NCAPD3: variants seen among roughly 807,000 people sequenced by gnomAD.
The protein encoded by NCAPD3 is non-SMC condensin II complex subunit D3.
A neutral mutation model predicts 182.9 loss-of-function variants in NCAPD3; 105 were observed. The ratio of observed to expected loss-of-function variants is 0.57; its 90% CI spans 0.49 to 0.68. NCAPD3 has a LOEUF of 0.68. NCAPD3 is among the 30% of genes least tolerant of loss of function. NCAPD3 has a pLI of 0.00. For synonymous variants in NCAPD3, 815 were observed against 679.9 expected (o/e 1.20, Z -3.09); for missense variants, 1,944 against 1,837.0 (o/e 1.06, Z -1.07).
rs1230004528 is a variant in NCAPD3, at chr11:134,199,241, A to G, written c.1615+3575T>C. Among the ~76,000 whole-genome samples the G allele has an allele frequency of 2.0e-5, 3 of 152,226 alleles. No individual in the cohort carries two copies. The East Asian group carries it at 5.8e-4, about 29-fold the overall frequency. ...ACCAAAATATGACTCTGACATAAAA[A>G]TTATTTCTGGGAAGACAGTTAAAGC... is the stretch of plus-strand genomic sequence containing the variant. On this transcript the variant is annotated intron_variant, in intron 13 of 34. Coordinates refer to ENST00000534548, the MANE Select transcript of NCAPD3 (RefSeq NM_015261.3).
chr11:134,167,631 C>G (rs1246887311), intron 27 of NCAPD3, among the ~76,000 whole-genome samples: 3 of 129,396 alleles, frequency 2.3e-5, no homozygotes, highest in African/African-American at 3.2e-5. Flanking sequence ...GGGAGGGGCA[C>G]ACTAGTGAGA....
At position 134,223,936 on chromosome 11, in the gene NCAPD3, GCACC is replaced by G; in HGVS notation, c.-14_-11del. 6.2e-7 allele frequency: 1 copy of G among 1,611,078 alleles called. No individual in the cohort carries two copies. The highest frequency in any genetic ancestry group is 1.1e-5 in the South Asian group (1 of 90,760). ...CCCGCAACGCCACCATGATCCCAGGGCACCGGCTCGCCGCCGCCGTGCTCAACTT... is the reference window on the plus strand; with the variant it reads ...CCCGCAACGCCACCATGATCCCAGGGGGCTCGCCGCCGCCGTGCTCAACTT... On this transcript the variant is annotated 5_prime_UTR_variant, in exon 1 of 35. Transcript: ENST00000534548.
rs1565545368 is a variant in NCAPD3 at position 134,194,084 on chromosome 11, C to T, written c.1756G>A (p.Asp586Asn). ...GACACTGCAGGGTCCCGACACTGGT[C>T]CTGCAGAATCCACAGGTCTTCCTTC... ...GMKEDLWILQDQCRDPAVSVR... is the reference protein window; with the variant it reads ...GMKEDLWILQNQCRDPAVSVR... Residue 586 changes from aspartate to asparagine, a missense_variant, in exon 15 of 35, where the codon GAC becomes AAC. Asp to Asn is a conservative substitution (Grantham distance 23). Transcript: ENST00000534548. 3 of 1,614,158 alleles carry T rather than the reference C, an allele frequency of 1.9e-6. No homozygotes were observed. Among genetic ancestry groups the T allele is most frequent in the Admixed American group, 1.7e-5 (1 of 60,028 alleles).
chr11:134,223,832 G>GC, intron 1 of NCAPD3, 31 bp downstream of exon 1: 1 of 1,606,648 alleles, frequency 6.2e-7, no homozygotes, highest in African/African-American at 1.3e-5. Flanking sequence ...CCTCGCCCTG[G>GC]CCCCCGGGCC....
intron 1 of NCAPD3, 41 bp from the exon 2 acceptor site, chr11:134,220,767 A>C: frequency 1.9e-6 from 3 of 1,567,614 alleles, no homozygotes; most frequent in Non-Finnish European, 2.6e-6. Context: ...ACTCTGTAAC[A>C]AGTAAAAAAA....
At position 134,184,688 on chromosome 11, in the gene NCAPD3, G is replaced by C; in HGVS notation, c.2400C>G (p.Asp800Glu). The change falls in exon 19 of 35, where the codon GAC (aspartate) becomes GAG (glutamate). Residue 800 changes from aspartate (D) to glutamate (E), a missense_variant. By Grantham distance (45) the Asp-to-Glu change is conservative. Transcript: ENST00000534548. ...WSLEVISSAV[D>E]ALQRLCRASA... ...ATGCTCTACAAAGCCTCTGCAAGGC[G>C]TCAACAGCTGAACTGATCACCTCTA... 3 of 1,613,938 alleles carry C rather than the reference G, an allele frequency of 1.9e-6. No homozygotes were observed. The highest frequency in any genetic ancestry group is 2.7e-5 in the African/African-American group (2 of 75,016).
rs1160326388 is a variant in NCAPD3, at chr11:134,151,594, A to G, written c.*1350T>C. 6.6e-6 allele frequency: 1 copy of G among 152,324 alleles called. No homozygotes were observed. Among genetic ancestry groups the G allele is most frequent in the African/African-American group, 2.4e-5 (1 of 41,582 alleles). The allele number at this position is 152,324 out of a possible 1,614,324, so 9.4% of individuals were successfully genotyped here. A position where few individuals can be genotyped will look rare whatever the true frequency, so the allele number is the denominator to read the frequency against. On this transcript the variant is annotated 3_prime_UTR_variant, in exon 35 of 35. Transcript: ENST00000534548. ...CTAGACGGAAAAGGAATACTCGTGT[A>G]TTTTAAGATATGAATGTGACTCAAG...
chr11:134,223,155 T>C, intron 1 of NCAPD3: 1 of 479,776 alleles, frequency 2.1e-6, no homozygotes, highest in East Asian at 3.3e-5. Flanking sequence ...ACATTAAAGG[T>C]GTACAGGCTT....
In NCAPD3 at chr11:134,156,997, G is replaced by A. The variant is rs367661988; in HGVS notation, c.4252+21C>T. 150 of 1,590,594 alleles carry A rather than the reference G, an allele frequency of 9.4e-5. 1 individual carries two copies. Among genetic ancestry groups the A allele is most frequent in the Non-Finnish European group, 1.1e-4 (133 of 1,161,838 alleles). On this transcript the variant is annotated intron_variant, in intron 32 of 34. Transcript: ENST00000534548. ...CAGGAGAGACTGAGGAGAAGCCCAC[G>A]TGTTCCGATCAGTTACTCACTCTCG...
intron 27 of NCAPD3, among the ~76,000 whole-genome samples, chr11:134,162,111 C>T (rs61909690): frequency 6.6e-6 from 1 of 152,156 alleles, no homozygotes; most frequent in Non-Finnish European, 1.5e-5. Context: ...AGGGTGGGGA[C>T]AAATACTACT....
Position 134,217,077 on chromosome 11 carries a change from C to T in NCAPD3, c.241G>A (p.Glu81Lys), listed in dbSNP as rs761669614. 1.9e-6 allele frequency: 3 copies of T among 1,611,492 alleles called. No individual in the cohort carries two copies. Among genetic ancestry groups the T allele is most frequent in the Non-Finnish European group, 2.5e-6 (3 of 1,179,012 alleles). ...SMESIWTFFI[E>K]NNVSHSTLVA... is the part of the protein sequence containing the mutation. Reference sequence around the variant, plus strand: ...AGTGTACTATGGGAAACATTGTTCTCAATGAAGAAGGTCCAGATACTCTGT... The same window carrying T: ...AGTGTACTATGGGAAACATTGTTCTTAATGAAGAAGGTCCAGATACTCTGT... Residue 81 changes from glutamate to lysine, a missense_variant, in exon 3 of 35, where the codon GAG (glutamate) becomes AAG (lysine). Transcript: ENST00000534548.
At chr11:134,225,276 C>G (rs1678342120), upstream of NCAPD3, 1 of 1,614,150 alleles carries the variant, frequency 6.2e-7, no homozygotes, top group Admixed American at 1.7e-5. Flanking sequence ...GAAGGTGAGC[C>G]TTGCCCTCAA....
At chr11:134,221,688 T>G (rs536703377) in intron 1 of NCAPD3, among the ~76,000 whole-genome samples, 28 of 152,248 alleles carry the variant, frequency 1.8e-4, no homozygotes, top group Non-Finnish European at 3.7e-4. Context: ...TGTTCACCAC[T>G]GATTTAGAGA....
rs117599215 is a variant in NCAPD3 at position 134,153,484 on chromosome 11, C to T, written c.4253-121G>A. ...CAGTGTCCCAGCGGCGGCCCTCAGA[C>T]CTCCACTGGACCCTGTCCCAGGGCC... is the stretch of plus-strand genomic sequence containing the variant. On this transcript the variant is annotated intron_variant, in intron 32 of 34. Transcript: ENST00000534548. 6.2e-6 allele frequency: 6 copies of T among 967,684 alleles called. No homozygotes were observed. The Admixed American group carries it at 8.8e-5, about 14-fold the overall frequency. 59.9% of individuals were successfully genotyped at this position (967,684 alleles called of 1,614,324 possible).
Position 134,204,256 on chromosome 11 carries a change from G to GT in NCAPD3, c.1090-86dup. 3 of 1,464,040 alleles carry GT rather than the reference G, an allele frequency of 2.0e-6. No homozygotes were observed. Among genetic ancestry groups the GT allele is most frequent in the Non-Finnish European group, 2.8e-6 (3 of 1,071,690 alleles). The allele number at this position is 1,464,040 out of a possible 1,614,324, so 90.7% of individuals were successfully genotyped here. Reference sequence around the variant, plus strand: ...ATTCTGTAATATAAGTTGAAAGTCAGTGAGTACAACTAGTTCAATGACCTT... The same window carrying GT: ...ATTCTGTAATATAAGTTGAAAGTCAGTTGAGTACAACTAGTTCAATGACCTT... On this transcript the variant is annotated intron_variant, in intron 9 of 34. Transcript: ENST00000534548. The surrounding 1 kb of genome is among the most constrained non-coding windows in gnomAD (Gnocchi z 4.3).
At position 134,159,859 on chromosome 11, in the gene NCAPD3, G is replaced by A. The variant is rs1419068861; in HGVS notation, c.3867+33C>T. ...CTGGTAGCAGACAGCAGACTGGACTGTCTGGTCACAGTGCAGTGGGCCCCA... is the reference window on the plus strand; with the variant it reads ...CTGGTAGCAGACAGCAGACTGGACTATCTGGTCACAGTGCAGTGGGCCCCA... On this transcript the variant is annotated intron_variant, in intron 29 of 34. Transcript: ENST00000534548. The A allele has an allele frequency of 5.6e-6, 9 of 1,595,390 alleles. No homozygotes were observed. In the African/African-American group the frequency reaches 1.1e-4, roughly 19 times the overall value.
At chr11:134,172,061 T>G (rs1944019069) in intron 24 of NCAPD3, among the ~76,000 whole-genome samples, 1 of 152,008 alleles carries the variant, frequency 6.6e-6, no homozygotes, top group Non-Finnish European at 1.5e-5. Flanking sequence ...TTGCCAAAAG[T>G]GTTCTGACAC....
At chr11:134,192,667 A>G in intron 16 of NCAPD3, 22 bp downstream of exon 16, 1 of 1,593,878 alleles carries the variant, frequency 6.3e-7, no homozygotes, top group South Asian at 1.1e-5. Flanking sequence ...TATAGGGAAC[A>G]CAGGTCATAC....
chr11:134,165,189 A>G (rs979116667), intron 27 of NCAPD3, among the ~76,000 whole-genome samples: 13 of 144,354 alleles, frequency 9.0e-5, no homozygotes, highest in African/African-American at 3.4e-4. Flanking sequence ...CACTTGTGAG[A>G]TGAGCTTGGG....
Sources: gnomAD v4.1 joint callset for allele counts (sites outside exome capture counted in the v4.1 genomes callset) on GRCh38, gnomAD v4.1.1 for gene constraint, Gnocchi (gnomAD v3.1) non-coding constraint, MANE v1.5 for transcripts, NCBI Gene and HGNC (gene_info 2026-07-23, HGNC 2026-07-21) for gene names.